Variants in RGS6 observed in about 807,000 individuals in gnomAD.
RGS6 encodes regulator of G-protein signaling 6.
In RGS6, 30 loss-of-function variants were observed where a neutral mutation model predicts 78.5. The observed-to-expected ratio is 0.38, with a 90% CI of 0.29 to 0.52. The LOEUF (loss-of-function observed/expected upper bound fraction) is 0.52, where lower values mean the gene tolerates loss of function less well. Among genes scored for constraint, RGS6 ranks in the 20% least tolerant of loss-of-function variants. The pLI, the probability that RGS6 is intolerant of heterozygous loss-of-function variation, is 0.85. For missense variants in RGS6, 495 were observed against 609.7 expected, an observed-to-expected ratio of 0.81 and a Z score of 1.98; for synonymous variants, 206 against 206.0, an observed-to-expected ratio of 1.00 and a Z score of 0.00.
the RGS6 span, chr14:72,620,086 A>G: frequency 2.4e-6 from 3 of 1,229,094 alleles, no homozygotes; most frequent in South Asian, 1.7e-5. Flanking sequence ...CGTCGGTCTC[A>G]CTGGATCCCC....
At position 72,390,099 on chromosome 14, in the gene RGS6, T is replaced by TC. The variant is rs2089542144; in HGVS notation, c.184+37905_184+37906insC. Among the ~76,000 whole-genome samples the TC allele has an allele frequency of 2.0e-5, 3 of 149,504 alleles. No individual in the cohort carries two copies. In the South Asian group the frequency reaches 6.4e-4, roughly 32 times the overall value. ...ATAAAGAGCTATAGTTCTTTTTTTT[T>TC]TTTTTTTTTTTTAACTGAGACAGAG... On this transcript the variant is annotated intron_variant, in intron 3 of 17. Transcript: ENST00000553525.
intron 2 of RGS6, among the ~76,000 whole-genome samples, chr14:72,050,217 C>T (rs956198138): frequency 3.3e-5 from 5 of 152,196 alleles, no homozygotes; most frequent in Non-Finnish European, 5.9e-5. Context: ...TTGACGCTTA[C>T]AGCTAGTATG....
At chr14:72,242,892 A>G (rs1444382833) in intron 2 of RGS6, among the ~76,000 whole-genome samples, 1 of 115,926 alleles carries the variant, frequency 8.6e-6, no homozygotes, top group African/African-American at 3.4e-5. Context: ...TCTGTCATCC[A>G]GGCTGGAGTG....
chr14:72,087,984 C>T (rs1428625335), intron 2 of RGS6, among the ~76,000 whole-genome samples: 1 of 152,042 alleles, frequency 6.6e-6, no homozygotes, highest in Non-Finnish European at 1.5e-5. Flanking sequence ...CTTCTCATGG[C>T]AGAAATAAAG....
intron 2 of RGS6, among the ~76,000 whole-genome samples, chr14:72,012,400 T>C (rs928818738): frequency 3.9e-5 from 6 of 152,356 alleles, no homozygotes; most frequent in African/African-American, 1.4e-4. Context: ...CTTTGAACTT[T>C]AAAGAATGTC....
intron 3 of RGS6, among the ~76,000 whole-genome samples, chr14:72,435,263 C>T (rs1300801401): frequency 6.6e-6 from 1 of 152,194 alleles, no homozygotes; most frequent in Non-Finnish European, 1.5e-5. Flanking sequence ...GAGAAGAATA[C>T]ATTTCTGTTG....
intron 2 of RGS6, among the ~76,000 whole-genome samples, chr14:72,265,949 GC>G (rs2058996493): frequency 7.5e-6 from 1 of 133,782 alleles, no homozygotes; most frequent in Non-Finnish European, 1.6e-5. Context: ...GGGGGGGGGG[GC>G]GGGAGGCAGG....
At chr14:72,027,885 G>A (rs1288733741) in intron 2 of RGS6, among the ~76,000 whole-genome samples, 2 of 152,162 alleles carry the variant, frequency 1.3e-5, no homozygotes, top group East Asian at 3.9e-4. Flanking sequence ...GCACAGTTGT[G>A]TCTTCGGTGA....
At chr14:72,087,271 C>T (rs2095082137) in intron 2 of RGS6, among the ~76,000 whole-genome samples, 1 of 152,096 alleles carries the variant, frequency 6.6e-6, no homozygotes, top group Admixed American at 6.5e-5. Context: ...GCTAGGATTA[C>T]AGGTGCATGC....
At chr14:72,275,786 A>G (rs907925340) in intron 2 of RGS6, among the ~76,000 whole-genome samples, 1 of 152,198 alleles carries the variant, frequency 6.6e-6, no homozygotes, top group African/African-American at 2.4e-5. Context: ...TTCCTTGCCT[A>G]TATGTAAGGA....
At chr14:72,616,785 A>G in the RGS6 span, among the ~76,000 whole-genome samples, 1 of 152,200 alleles carries the variant, frequency 6.6e-6, no homozygotes, top group Admixed American at 6.5e-5. Flanking sequence ...TTCAAAAAAA[A>G]GAGACCAATT....
At chr14:72,508,623 T>C (rs2096841336) in intron 13 of RGS6, among the ~76,000 whole-genome samples, 1 of 145,188 alleles carries the variant, frequency 6.9e-6, no homozygotes, top group African/African-American at 2.6e-5. Context: ...GTATTGAGAA[T>C]ATGTCAGCTC....
At chr14:72,409,340 A>C (rs1488035821) in intron 3 of RGS6, among the ~76,000 whole-genome samples, 1 of 152,176 alleles carries the variant, frequency 6.6e-6, no homozygotes, top group Admixed American at 6.5e-5. Context: ...AGACAAAGAA[A>C]ACATATTTGA....
At chr14:72,510,301 CTGTGTGCGGAA>C in intron 14 of RGS6, 22 bp downstream of exon 14, 1 of 1,613,988 alleles carries the variant, frequency 6.2e-7, no homozygotes, top group East Asian at 2.2e-5. Context: ...AAAGTTTGAG[CTGTGTGCGGAA>C]TGTGTGTGAA....
At position 72,203,563 on chromosome 14, in the gene RGS6, A is replaced by G. The variant is rs1056356432; in HGVS notation, c.85-148532A>G. ...GTTGTTGGCTGGCCTCAAATCCGTCATGGCTGTTGGCTGACCTCAAATCCA... is the reference window on the plus strand; with the variant it reads ...GTTGTTGGCTGGCCTCAAATCCGTCGTGGCTGTTGGCTGACCTCAAATCCA... On this transcript the variant is annotated intron_variant, in intron 2 of 17. Coordinates refer to ENST00000553525, the MANE Select transcript of RGS6 (RefSeq NM_001204424.2). Among the ~76,000 whole-genome samples, 71 of 152,130 alleles carry G rather than the reference A, an allele frequency of 4.7e-4. 7 individuals are homozygous for G. Among genetic ancestry groups the G allele is most frequent in the Non-Finnish European group, 1.5e-5 (1 of 68,028 alleles).
chr14:72,142,742 T>C (rs2096557387), intron 2 of RGS6, among the ~76,000 whole-genome samples: 1 of 152,210 alleles, frequency 6.6e-6, no homozygotes. Context: ...ACATTTAATG[T>C]TCAAGGATGG....
chr14:72,055,494 T>C (rs928896656), intron 2 of RGS6, among the ~76,000 whole-genome samples: 6 of 152,188 alleles, frequency 3.9e-5, no homozygotes, highest in African/African-American at 1.4e-4. Context: ...GTTATCTCAC[T>C]ACTAGTAGTT....
intron 1 of RGS6, among the ~76,000 whole-genome samples, chr14:71,943,870 T>C (rs971175023): frequency 6.6e-6 from 1 of 152,132 alleles, no homozygotes; most frequent in Non-Finnish European, 1.5e-5. Flanking sequence ...GATGGGCTAG[T>C]ATTGGTAGGA....
Position 72,459,700 on chromosome 14 carries a change from C to G in RGS6, c.394+17C>G, listed in dbSNP as rs768437115. The G allele has an allele frequency of 1.2e-5, 19 of 1,613,700 alleles. No individual in the cohort carries two copies. The highest frequency in any genetic ancestry group is 3.3e-5 in the South Asian group (3 of 91,070). Reference sequence around the variant, plus strand: ...CTGACTATGGTGAGAACTGAAGCCACTGGGAACTCTCAACTTCAACACTGT... The same window carrying G: ...CTGACTATGGTGAGAACTGAAGCCAGTGGGAACTCTCAACTTCAACACTGT... On this transcript the variant is annotated intron_variant, in intron 6 of 17. Transcript: ENST00000553525.
Sources: allele counts gnomAD v4.1 joint callset (sites outside exome capture counted in the v4.1 genomes callset), GRCh38; gene constraint gnomAD v4.1.1; transcripts MANE v1.5; gene names NCBI Gene and HGNC (gene_info 2026-07-23, HGNC 2026-07-21).